Variants in CHERP observed in about 807,000 individuals in gnomAD.
The protein encoded by CHERP is ERPROT 213-21.
A neutral mutation model predicts 113.8 loss-of-function variants in CHERP; 8 were observed. The observed-to-expected ratio is 0.07, with a 90% CI of 0.04 to 0.13. The LOEUF is 0.13. Ranked by LOEUF, CHERP falls within the 10% of genes least tolerant of loss-of-function variation. The pLI, the probability that CHERP is intolerant of heterozygous loss-of-function variation, is 1.00. For synonymous variants in CHERP, 559 were observed against 524.5 expected, an observed-to-expected ratio of 1.07 and a Z score of -0.90; for missense variants, 884 against 1,298.2, an observed-to-expected ratio of 0.68 and a Z score of 4.90.
Position 16,532,328 on chromosome 19 carries a change from C to A in CHERP, c.674+270G>T. 1 of 437,588 alleles carries A rather than the reference C, an allele frequency of 2.3e-6. No individual in the cohort carries two copies. The highest frequency in any genetic ancestry group is 4.1e-6 in the Non-Finnish European group (1 of 244,102). The allele number at this position is 437,588 out of a possible 1,614,324, so 27.1% of individuals were successfully genotyped here. The stretch of plus-strand genomic sequence containing the variant: ...AGGAAGGAGTGCAGGGGACAGTGGC[C>A]CCCAGGAGACAGCAATGTGACAGGT... On this transcript the variant is annotated intron_variant, in intron 5 of 16. Coordinates refer to ENST00000546361, the MANE Select transcript of CHERP (RefSeq NM_006387.6). This position sits in a 1 kb window ranked among gnomAD's most constrained non-coding sequence, Gnocchi z 4.4.
intron 3 of CHERP, 38 bp from the exon 4 acceptor site, chr19:16,533,186 G>C: frequency 1.9e-6 from 3 of 1,556,258 alleles, no homozygotes; most frequent in Non-Finnish European, 2.6e-6. Context: ...AACACATGAG[G>C]AGGGACCCGC....
chr19:16,520,747 G>A lies in CHERP; in HGVS notation c.2201+79C>T. The A allele has an allele frequency of 1.4e-6, 2 of 1,387,472 alleles. No individual in the cohort carries two copies. Among genetic ancestry groups the A allele is most frequent in the Non-Finnish European group, 2.0e-6 (2 of 979,834 alleles). 85.9% of individuals were successfully genotyped at this position (1,387,472 alleles called of 1,614,324 possible). ...GGCTGTGTGAGGGTGGACGTGATGA[G>A]TGTATCTGGGGTCTGCTCCCACCCA... On this transcript the variant is annotated intron_variant, in intron 13 of 16. Transcript: ENST00000546361. This position sits in a 1 kb window ranked among gnomAD's most constrained non-coding sequence, Gnocchi z 4.0.
At chr19:16,522,932 G>T in intron 11 of CHERP, 120 bp downstream of exon 11, 1 of 1,168,232 alleles carries the variant, frequency 8.6e-7, no homozygotes, top group Non-Finnish European at 1.2e-6. Context: ...GGTCCCTAGG[G>T]AGTGGGAGAT....
chr19:16,539,383 G>A lies in CHERP; in HGVS notation c.199+2487C>T, dbSNP rs556312273. 6.6e-3 allele frequency among the ~76,000 whole-genome samples: 1,000 copies of A among 152,062 alleles called. 12 individuals carry two copies. Among genetic ancestry groups the A allele is most frequent in the African/African-American group, 0.023 (956 of 41,484 alleles). ...AGGATGGTCTCGATCTCCTGACCTCGTGATCCGCCCGCCTCGGCCTCCCAA... is the reference window on the plus strand; with the variant it reads ...AGGATGGTCTCGATCTCCTGACCTCATGATCCGCCCGCCTCGGCCTCCCAA... On this transcript the variant is annotated intron_variant, in intron 2 of 16. Transcript: ENST00000546361.
Position 16,530,889 on chromosome 19 carries a change from G to C in CHERP, c.675-9C>G. The C allele has an allele frequency of 6.2e-7, 1 of 1,612,294 alleles. No homozygotes were observed. The highest frequency in any genetic ancestry group is 8.5e-7 in the Non-Finnish European group (1 of 1,179,634). ...GGGCCTGCTTGCGCTGGCTGTGAGGGAGAGACTTTCCGCGCGTCAGGGCCC... is the reference window on the plus strand; with the variant it reads ...GGGCCTGCTTGCGCTGGCTGTGAGGCAGAGACTTTCCGCGCGTCAGGGCCC... On this transcript the variant is annotated splice_polypyrimidine_tract_variant and intron_variant, in intron 5 of 16. Coordinates refer to ENST00000546361, the MANE Select transcript of CHERP (RefSeq NM_006387.6). The surrounding 1 kb of genome is among the most constrained non-coding windows in gnomAD (Gnocchi z 4.1).
Position 16,530,654 on chromosome 19 carries a change from T to C in CHERP, c.807A>G (p.Lys269=), listed in dbSNP as rs1234574847. 1.2e-6 allele frequency: 2 copies of C among 1,613,894 alleles called. No homozygotes were observed. Among genetic ancestry groups the C allele is most frequent in the Non-Finnish European group, 1.7e-6 (2 of 1,179,934 alleles). The part of the protein sequence containing the change: ...KIARLLQLWE[K]NGYFDDSIIQ... ...TGATGGAGTCATCGAAGTAGCCGTT[T>C]TTCTCCCAGAGCTGCAGGAGCTGGC... Residue 269 remains lysine (K), a synonymous_variant, in exon 7 of 17, where the codon AAA becomes AAG. Transcript: ENST00000546361. This position sits in a 1 kb window ranked among gnomAD's most constrained non-coding sequence, Gnocchi z 4.1.
chr19:16,541,769 G>T, intron 2 of CHERP, 101 bp downstream of exon 2: 3 of 1,295,256 alleles, frequency 2.3e-6, no homozygotes, highest in Non-Finnish European at 1.1e-6. Context: ...CCACTTCAAA[G>T]AATAAACGAC....
intron 1 of CHERP, 102 bp from the exon 2 acceptor site, chr19:16,542,145 G>A (rs58368673): frequency 1.1e-5 from 15 of 1,371,068 alleles, no homozygotes; most frequent in Non-Finnish European, 1.4e-5. Flanking sequence ...GGACCCCAAG[G>A]GGGTGGGCCC....
intron 11 of CHERP, among the ~76,000 whole-genome samples, chr19:16,522,058 G>A (rs1193302798): frequency 6.6e-6 from 1 of 150,970 alleles, no homozygotes; most frequent in Non-Finnish European, 1.5e-5. Flanking sequence ...CCCCTGGCCT[G>A]TATCCTTCTT....
Position 16,525,175 on chromosome 19 carries a change from C to T in CHERP, c.1741+67G>A, listed in dbSNP as rs2085648588. ...CATGGCAGGGCCACAAGCAGCGCCA[C>T]CAGCCTGCTCGGCAGGCGAGCCGTG... is the stretch of plus-strand genomic sequence containing the variant. On this transcript the variant is annotated intron_variant, in intron 10 of 16. Coordinates refer to ENST00000546361, the MANE Select transcript of CHERP (RefSeq NM_006387.6). The surrounding 1 kb of genome is among the most constrained non-coding windows in gnomAD (Gnocchi z 6.5). The T allele has an allele frequency of 4.5e-6, 6 of 1,345,542 alleles. No homozygotes were observed. In the Admixed American group the frequency reaches 1.4e-4, roughly 30 times the overall value. The allele number at this position is 1,345,542 out of a possible 1,614,324, so 83.4% of individuals were successfully genotyped here.
Position 16,525,099 on chromosome 19 carries a change from G to A in CHERP, c.1741+143C>T, listed in dbSNP as rs967125120. 1.3e-6 allele frequency: 1 copy of A among 769,336 alleles called. No individual in the cohort carries two copies. 47.7% of individuals were successfully genotyped at this position (769,336 alleles called of 1,614,324 possible). A position where few individuals can be genotyped will look rare whatever the true frequency, so the allele number is the denominator to read the frequency against. ...CCCCCACTTCCTGAGAACCCAGGCC[G>A]GGCTCCTCGGACGTCCCATGACCCT... On this transcript the variant is annotated intron_variant, in intron 10 of 16. Transcript: ENST00000546361. The surrounding 1 kb of genome is among the most constrained non-coding windows in gnomAD (Gnocchi z 6.5).
rs971262027 is a variant in CHERP at position 16,525,138 on chromosome 19, T to C, written c.1741+104A>G. The C allele has an allele frequency of 1.8e-6, 2 of 1,107,872 alleles. No individual in the cohort carries two copies. Among genetic ancestry groups the C allele is most frequent in the Non-Finnish European group, 2.4e-6 (2 of 829,640 alleles). The allele number at this position is 1,107,872 out of a possible 1,614,324, so 68.6% of individuals were successfully genotyped here. On this transcript the variant is annotated intron_variant, in intron 10 of 16. Coordinates refer to ENST00000546361, the MANE Select transcript of CHERP (RefSeq NM_006387.6). This position sits in a 1 kb window ranked among gnomAD's most constrained non-coding sequence, Gnocchi z 6.5. ...TCCCATGACCCTGTGTCTGTCACTGTGCACTCAGGAGCATGGCAGGGCCAC... is the reference window on the plus strand; with the variant it reads ...TCCCATGACCCTGTGTCTGTCACTGCGCACTCAGGAGCATGGCAGGGCCAC...
At chr19:16,541,022 C>CCTTGTTATGTATTAAGGGA (rs2085775803) in intron 2 of CHERP, among the ~76,000 whole-genome samples, 1 of 152,076 alleles carries the variant, frequency 6.6e-6, no homozygotes, top group South Asian at 2.1e-4. Flanking sequence ...TAATCGAACA[C>CCTTGTTATGTATTAAGGGA]CAACTGTGTG....
At chr19:16,524,068 A>G (rs1045111349) in intron 10 of CHERP, among the ~76,000 whole-genome samples, 6 of 152,234 alleles carry the variant, frequency 3.9e-5, no homozygotes, top group Admixed American at 1.3e-4. Context: ...CCTGGCCAAC[A>G]TGGCGAAACC....
At chr19:16,527,472 G>A (rs11883157) in intron 9 of CHERP, among the ~76,000 whole-genome samples, 152,324 of 152,326 alleles carry the variant, frequency 1, 76,161 homozygotes, top group Non-Finnish European at 1. Flanking sequence ...GCCACGCTGC[G>A]AAGCCAACCA....
At position 16,518,426 on chromosome 19, in the gene CHERP, A is replaced by G. The variant is rs942651956; in HGVS notation, c.*733T>C. The G allele has an allele frequency of 1.3e-5, 2 of 152,172 alleles. No homozygotes were observed. The highest frequency in any genetic ancestry group is 4.8e-5 in the African/African-American group (2 of 41,426). 9.4% of individuals were successfully genotyped at this position (152,172 alleles called of 1,614,324 possible). A position where few individuals can be genotyped will look rare whatever the true frequency, so the allele number is the denominator to read the frequency against. On this transcript the variant is annotated 3_prime_UTR_variant, in exon 17 of 17. Coordinates refer to ENST00000546361, the MANE Select transcript of CHERP (RefSeq NM_006387.6). ...TTCCTGTTAGAATCTTGTTTCCCAG[A>G]TAACAGCAAATGGCTACATTCCAGA...
chr19:16,540,167 G>A (rs540493155), intron 2 of CHERP, among the ~76,000 whole-genome samples: 64 of 152,178 alleles, frequency 4.2e-4, no homozygotes, highest in Admixed American at 9.8e-4. Flanking sequence ...AGGTTCAAGC[G>A]ATTCTCCTGC....
chr19:16,530,958 G>A lies in CHERP; in HGVS notation c.675-78C>T, dbSNP rs773030770. ...CGCGCCCGTTACCATCGCGGCTCCA[G>A]CCTCAGCGCCCTCTGCCTTCTCGGG... On this transcript the variant is annotated intron_variant, in intron 5 of 16. Coordinates refer to ENST00000546361, the MANE Select transcript of CHERP (RefSeq NM_006387.6). The surrounding 1 kb of genome is among the most constrained non-coding windows in gnomAD (Gnocchi z 4.1). The A allele has an allele frequency of 1.2e-5, 18 of 1,556,748 alleles. No homozygotes were observed. Among genetic ancestry groups the A allele is most frequent in the Non-Finnish European group, 1.5e-5 (17 of 1,155,268 alleles).
rs2085606834 is a variant in CHERP at position 16,520,831 on chromosome 19, C to T, written c.2196G>A (p.Arg732=). ...GCAGACATCTGCGCTTTTACCTGTT[C>T]CTCTTCTCCTGGCCTTTCCTCCGCC... ...RARRRKGQEK[R]NSGPSRSRSR... The change falls in exon 13 of 17, where the codon AGG becomes AGA. Residue 732 remains arginine (R), a synonymous_variant. Coordinates refer to ENST00000546361, the MANE Select transcript of CHERP (RefSeq NM_006387.6). This position sits in a 1 kb window ranked among gnomAD's most constrained non-coding sequence, Gnocchi z 4.0. The T allele has an allele frequency of 3.1e-6, 5 of 1,613,430 alleles. No individual in the cohort carries two copies. The highest frequency in any genetic ancestry group is 2.5e-6 in the Non-Finnish European group (3 of 1,179,744).
Sources: gnomAD v4.1 joint callset for allele counts (sites outside exome capture counted in the v4.1 genomes callset) on GRCh38, gnomAD v4.1.1 for gene constraint, Gnocchi (gnomAD v3.1) non-coding constraint, MANE v1.5 for transcripts, NCBI Gene and HGNC (gene_info 2026-07-23, HGNC 2026-07-21) for gene names.